The following GLT1D1 variants were observed in gnomAD, a reference collection of about 807,000 sequenced individuals.
The protein encoded by GLT1D1 is glycosyltransferase 1 domain containing 1.
GLT1D1 carries 21 observed loss-of-function variants against 28.7 expected under a neutral mutation model. The observed-to-expected ratio is 0.73, with a 90% CI of 0.52 to 1.05. GLT1D1 has a LOEUF of 1.05. Among genes scored for constraint, GLT1D1 ranks in the 50% least tolerant of loss-of-function variants. GLT1D1 has a pLI of 0.00. For missense variants in GLT1D1, 343 were observed against 330.6 expected (o/e 1.04, Z -0.29); for synonymous variants, 147 against 124.8 (o/e 1.18, Z -1.19).
At chr12:128,951,739 G>A (rs148610770) in intron 6 of GLT1D1, among the ~76,000 whole-genome samples, 5 of 152,338 alleles carry the variant, frequency 3.3e-5, no homozygotes, top group Admixed American at 6.5e-5. Context: ...GCTGCACAAC[G>A]TCATCATCGT....
At chr12:128,951,765 TC>T (rs1876714442) in intron 6 of GLT1D1, among the ~76,000 whole-genome samples, 1 of 152,238 alleles carries the variant, frequency 6.6e-6, no homozygotes, top group Non-Finnish European at 1.5e-5. Context: ...AGTTCTTCTC[TC>T]CTTAAGACGT....
At chr12:128,913,745 T>C (rs1871792626) in intron 4 of GLT1D1, among the ~76,000 whole-genome samples, 1 of 152,182 alleles carries the variant, frequency 6.6e-6, no homozygotes, top group Admixed American at 6.5e-5. Flanking sequence ...TTCAGTGACA[T>C]TTTTAGCTGG....
intron 4 of GLT1D1, among the ~76,000 whole-genome samples, chr12:128,942,732 T>TTTG (rs1278771102): frequency 1.4e-4 from 14 of 102,430 alleles, no homozygotes; most frequent in African/African-American, 5.4e-4. Flanking sequence ...TCCAATTTTC[T>TTTG]TTGTTTGTTT....
chr12:128,968,703 G>A (rs942577807), intron 7 of GLT1D1, among the ~76,000 whole-genome samples: 1 of 152,052 alleles, frequency 6.6e-6, no homozygotes, highest in African/African-American at 2.4e-5. Flanking sequence ...AACCTCACCC[G>A]AGCAGCATAG....
chr12:128,910,907 C>T (rs974657758), intron 4 of GLT1D1, among the ~76,000 whole-genome samples: 14 of 152,066 alleles, frequency 9.2e-5, no homozygotes, highest in Non-Finnish European at 1.9e-4. Context: ...CCATACCGAG[C>T]CTCGTGTGTA....
intron 2 of GLT1D1, among the ~76,000 whole-genome samples, chr12:128,882,485 G>A (rs541625119): frequency 3.0e-4 from 45 of 151,922 alleles, no homozygotes; most frequent in African/African-American, 9.2e-4. Context: ...CTATGTTGGC[G>A]AGGCTAGTCT....
intron 3 of GLT1D1, 104 bp from the exon 4 acceptor site, chr12:128,899,132 A>G (rs908089672): frequency 1.3e-6 from 1 of 784,194 alleles, no homozygotes; most frequent in Middle Eastern, 3.6e-4. Flanking sequence ...TTTTAAATTT[A>G]GTGTCTCACG....
intron 1 of GLT1D1, among the ~76,000 whole-genome samples, chr12:128,856,224 G>A (rs188378111): frequency 9.9e-5 from 15 of 152,280 alleles, no homozygotes; most frequent in Admixed American, 5.9e-4. Flanking sequence ...GGTCGCTCTC[G>A]TTGCCATCTT....
At chr12:128,945,465 T>C in intron 5 of GLT1D1, 96 bp downstream of exon 9, 2 of 1,011,226 alleles carry the variant, frequency 2.0e-6, no homozygotes, top group Non-Finnish European at 3.2e-6. Context: ...CAGGCACTAT[T>C]CCAAGCAGTT....
chr12:128,906,780 C>A, intron 4 of GLT1D1: 96 of 332,108 alleles, frequency 2.9e-4, no homozygotes, highest in East Asian at 5.9e-4. Context: ...CCTAATTTAT[C>A]TACTTTGCCT....
intron 1 of GLT1D1, among the ~76,000 whole-genome samples, chr12:128,859,714 A>G (rs999352293): frequency 6.6e-6 from 1 of 152,200 alleles, no homozygotes; most frequent in Non-Finnish European, 1.5e-5. Flanking sequence ...ATTTGTGTGT[A>G]GTTGAAAATC....
intron 4 of GLT1D1, among the ~76,000 whole-genome samples, chr12:128,925,897 A>G (rs1873152975): frequency 6.6e-6 from 1 of 152,170 alleles, no homozygotes; most frequent in Non-Finnish European, 1.5e-5. Context: ...TTAATATAAA[A>G]GTAAGAGTAG....
intron 4 of GLT1D1, among the ~76,000 whole-genome samples, chr12:128,916,321 C>T (rs569274913): frequency 6.6e-6 from 1 of 152,318 alleles, no homozygotes; most frequent in South Asian, 2.1e-4. Flanking sequence ...AATACATTTA[C>T]TATGAATATC....
At chr12:128,945,261 G>A (rs2135489639) in intron 4 of GLT1D1, 65 bp from the exon 9 acceptor site, 1 of 1,542,568 alleles carries the variant, frequency 6.5e-7, no homozygotes, top group East Asian at 2.2e-5. Context: ...CCTGGCCCGT[G>A]CTGGCCGGCT....
intron 7 of GLT1D1, among the ~76,000 whole-genome samples, chr12:128,971,116 A>G (rs1389697499): frequency 6.6e-6 from 1 of 152,084 alleles, no homozygotes; most frequent in Non-Finnish European, 1.5e-5. Flanking sequence ...AATCATTGGC[A>G]CCTGTCGGAT....
In GLT1D1 at chr12:128,902,781, A is replaced by G. The variant is rs145615262; in HGVS notation, c.375+3494A>G. 1.8e-3 allele frequency among the ~76,000 whole-genome samples: 265 copies of G among 150,730 alleles called. 9 individuals are homozygous for G. Among genetic ancestry groups the G allele is most frequent in the African/African-American group, 5.9e-3 (240 of 40,714 alleles). ...AATAATTGCCAGGCGCAGTGGCTCAACCTGTAATCCCAGCACTTTGGGAGG... is the reference window on the plus strand; with the variant it reads ...AATAATTGCCAGGCGCAGTGGCTCAGCCTGTAATCCCAGCACTTTGGGAGG... On this transcript the variant is annotated intron_variant, in intron 4 of 7. Transcript: ENST00000281703.
chr12:128,857,198 C>T (rs950375840), intron 1 of GLT1D1, among the ~76,000 whole-genome samples: 2 of 152,140 alleles, frequency 1.3e-5, no homozygotes, highest in Non-Finnish European at 2.9e-5. Context: ...TGTTAGCTGC[C>T]GTCCTGAGAT....
At chr12:128,876,841 A>G (rs1359690679) in intron 2 of GLT1D1, among the ~76,000 whole-genome samples, 1 of 152,208 alleles carries the variant, frequency 6.6e-6, no homozygotes, top group Non-Finnish European at 1.5e-5. Flanking sequence ...TTAACATCCA[A>G]CAAGGCAATG....
Position 128,947,358 on chromosome 12 carries a change from T to A in GLT1D1, c.440T>A (p.Ile147Asn). The A allele has an allele frequency of 6.2e-7, 1 of 1,614,062 alleles. No individual in the cohort carries two copies. The highest frequency in any genetic ancestry group is 8.5e-7 in the Non-Finnish European group (1 of 1,179,988). ...TTCAGAGCCGCTGGGGTACGATTGA[T>A]TGGAGAGATGCCTCAAGAAGATCTG... Residue 147 changes from isoleucine (I) to asparagine (N), a missense_variant, in exon 6 of 8, where the codon ATT becomes AAT. Ile to Asn is a moderately radical substitution (Grantham distance 149). Coordinates refer to ENST00000281703, the MANE Select transcript of GLT1D1 (RefSeq NM_144669.3).
Sources: gnomAD v4.1 joint callset for allele counts (sites outside exome capture counted in the v4.1 genomes callset) on GRCh38, gnomAD v4.1.1 for gene constraint, MANE v1.5 for transcripts, NCBI Gene and HGNC (gene_info 2026-07-23, HGNC 2026-07-21) for gene names.